SYNJ1: variants seen among roughly 807,000 people sequenced by gnomAD.
The protein encoded by SYNJ1 is polyphosphatidylinositol phosphatase SYNJ1.
SYNJ1 carries 78 observed loss-of-function variants against 168.2 expected under a neutral mutation model. The observed-to-expected ratio is 0.46, with a 90% CI of 0.39 to 0.56. SYNJ1 has a LOEUF of 0.56. SYNJ1 is among the 20% of genes least tolerant of loss of function. SYNJ1 has a pLI of 0.00. For synonymous variants in SYNJ1, 539 were observed against 548.6 expected, an observed-to-expected ratio of 0.98 and a Z score of 0.24; for missense variants, 1,303 against 1,597.6, an observed-to-expected ratio of 0.82 and a Z score of 3.14.
At chr21:32,716,994 C>T (rs146158944) in intron 2 of SYNJ1, among the ~76,000 whole-genome samples, 4 of 151,450 alleles carry the variant, frequency 2.6e-5, no homozygotes, top group African/African-American at 7.3e-5. Context: ...GAGTCTTGCT[C>T]TGTTGCCCAG....
chr21:32,705,627 T>A (rs2042579165), intron 2 of SYNJ1, among the ~76,000 whole-genome samples: 1 of 151,908 alleles, frequency 6.6e-6, no homozygotes, highest in South Asian at 2.1e-4. Flanking sequence ...AAAACAATTA[T>A]AAAGGGAAAA....
intron 8 of SYNJ1, 117 bp downstream of exon 8, chr21:32,686,861 C>A: frequency 1.4e-6 from 1 of 703,466 alleles, no homozygotes; most frequent in Non-Finnish European, 2.2e-6. Flanking sequence ...AAGTACCCAA[C>A]CTTTTTCTTG....
At chr21:32,718,942 T>G (rs779537764) in intron 2 of SYNJ1, among the ~76,000 whole-genome samples, 24 of 152,166 alleles carry the variant, frequency 1.6e-4, no homozygotes, top group Non-Finnish European at 2.2e-4. Context: ...CCCCTGAAAA[T>G]AATAGCCACA....
intron 2 of SYNJ1, among the ~76,000 whole-genome samples, chr21:32,716,538 C>T (rs925787784): frequency 3.3e-5 from 5 of 152,196 alleles, no homozygotes; most frequent in African/African-American, 1.2e-4. Flanking sequence ...CTTATCTTCA[C>T]TCTTCTGTAA....
intron 29 of SYNJ1, among the ~76,000 whole-genome samples, chr21:32,640,283 C>T (rs1353927284): frequency 1.3e-5 from 2 of 151,876 alleles, no homozygotes; most frequent in Non-Finnish European, 2.9e-5. Flanking sequence ...GGAAAAAACA[C>T]CCTGAGATTT....
chr21:32,665,427 T>C (rs1229456412), intron 17 of SYNJ1, among the ~76,000 whole-genome samples: 1 of 152,224 alleles, frequency 6.6e-6, no homozygotes, highest in Non-Finnish European at 1.5e-5. Context: ...CTGAGACAAA[T>C]GCACATCTGA....
At position 32,660,192 on chromosome 21, in the gene SYNJ1, G is replaced by A. The variant is rs2040633947; in HGVS notation, c.2305-2320C>T. ...CCTATCTCTCAAAACAACTAGATGGGGTTTCCAAAGGCTGGCCCCCATGTC... is the reference window on the plus strand; with the variant it reads ...CCTATCTCTCAAAACAACTAGATGGAGTTTCCAAAGGCTGGCCCCCATGTC... On this transcript the variant is annotated intron_variant, in intron 18 of 32. Coordinates refer to ENST00000674351, the MANE Select transcript of SYNJ1 (RefSeq NM_203446.3). 5.9e-5 allele frequency among the ~76,000 whole-genome samples: 9 copies of A among 152,300 alleles called. No homozygotes were observed. In the South Asian group the frequency reaches 1.9e-3, roughly 32 times the overall value.
At chr21:32,660,008 G>A (rs931527811) in intron 18 of SYNJ1, among the ~76,000 whole-genome samples, 12 of 152,178 alleles carry the variant, frequency 7.9e-5, no homozygotes, top group Admixed American at 3.3e-4. Flanking sequence ...CCACAGCAGC[G>A]CATGGCAGGC....
At chr21:32,693,414 C>A (rs1392968740) in intron 6 of SYNJ1, among the ~76,000 whole-genome samples, 4 of 152,182 alleles carry the variant, frequency 2.6e-5, no homozygotes, top group African/African-American at 4.8e-5. Context: ...CTTAGACTGT[C>A]TTAAATAAAA....
intron 14 of SYNJ1, among the ~76,000 whole-genome samples, chr21:32,671,133 A>AC (rs2041170884): frequency 6.6e-6 from 1 of 152,000 alleles, no homozygotes; most frequent in Non-Finnish European, 1.5e-5. Flanking sequence ...ACATAGTGAG[A>AC]CCCCCATCAC....
chr21:32,728,252 C>A, upstream of SYNJ1: 1 of 567,818 alleles, frequency 1.8e-6, no homozygotes, highest in Admixed American at 3.6e-5. Context: ...AAGATCTGGC[C>A]TCCTTGGTCC....
Position 32,685,905 on chromosome 21 carries a change from C to T in SYNJ1, c.961G>A (p.Ala321Thr). ...LSKAFQSHLK[A>T]SEHAADIQMV... ...TGGATATCAGCAGCATGTTCAGAAG[C>T]TTTCAAATGACTCTGAAAGTAAAAA... The change falls in exon 9 of 33, where the codon GCT becomes ACT. Residue 321 changes from alanine (A) to threonine (T), a missense_variant. By Grantham distance (58) the Ala-to-Thr change is moderately conservative. This residue lies in a region of SYNJ1 where 920 missense variants were observed against 1,208.8 expected (regional missense o/e 0.76). Transcript: ENST00000674351. 1 of 1,603,378 alleles carries T rather than the reference C, an allele frequency of 6.2e-7. No individual in the cohort carries two copies. Among genetic ancestry groups the T allele is most frequent in the African/African-American group, 1.3e-5 (1 of 74,396 alleles).
At chr21:32,650,131 T>A in intron 23 of SYNJ1, 53 bp downstream of exon 23, 1 of 1,532,068 alleles carries the variant, frequency 6.5e-7, no homozygotes, top group Middle Eastern at 1.8e-4. Flanking sequence ...CTTTACAGAT[T>A]GGAAGAAAAC....
chr21:32,696,287 T>C (rs1346952166), intron 4 of SYNJ1, among the ~76,000 whole-genome samples: 4 of 152,372 alleles, frequency 2.6e-5, no homozygotes, highest in Non-Finnish European at 5.9e-5. Context: ...CAAATACTTT[T>C]AGCATTCTAG....
chr21:32,633,341 C>T (rs2039425901), intron 32 of SYNJ1, among the ~76,000 whole-genome samples: 1 of 152,112 alleles, frequency 6.6e-6, no homozygotes, highest in African/African-American at 2.4e-5. Flanking sequence ...TGGAGTGGAG[C>T]ACAGCCAAGG....
At position 32,653,373 on chromosome 21, in the gene SYNJ1, G is replaced by A. The variant is rs936483913; in HGVS notation, c.2796-7C>T. On this transcript the variant is annotated splice_region_variant and splice_polypyrimidine_tract_variant and intron_variant, in intron 21 of 32. Coordinates refer to ENST00000674351, the MANE Select transcript of SYNJ1 (RefSeq NM_203446.3). Reference sequence around the variant, plus strand: ...CATTTTATCTTCTACAAATCTTTAAGAAAAACAATAAAAAACCATAATTAA... The same window carrying A: ...CATTTTATCTTCTACAAATCTTTAAAAAAAACAATAAAAAACCATAATTAA... 1 of 1,603,214 alleles carries A rather than the reference G, an allele frequency of 6.2e-7. No individual in the cohort carries two copies. The highest frequency in any genetic ancestry group is 8.5e-7 in the Non-Finnish European group (1 of 1,170,908).
chr21:32,637,394 T>C (rs1405163720), intron 31 of SYNJ1, among the ~76,000 whole-genome samples: 1 of 144,280 alleles, frequency 6.9e-6, no homozygotes, highest in Non-Finnish European at 1.5e-5. Flanking sequence ...CCATCCTCAA[T>C]TTTTCTTTTT....
Position 32,685,752 on chromosome 21 carries a change from G to T in SYNJ1, c.1114C>A (p.Gln372Lys). ...AGAGAAACAGAACAGTCAAACCTTT[G>T]AACTTCACTTCCATTGAAATAAAAA... ...GFFYFNGSEV[Q>K]RCQSGTVRTN... is the part of the protein sequence containing the mutation. Residue 372 changes from glutamine (Q) to lysine (K), a missense_variant, in exon 9 of 33, where the codon CAA (glutamine) becomes AAA (lysine). This residue lies in a region of SYNJ1 where 920 missense variants were observed against 1,208.8 expected (regional missense o/e 0.76). Transcript: ENST00000674351. 1 of 1,600,244 alleles carries T rather than the reference G, an allele frequency of 6.2e-7. No individual in the cohort carries two copies. Among genetic ancestry groups the T allele is most frequent in the South Asian group, 1.1e-5 (1 of 87,796 alleles).
chr21:32,650,116 T>C, intron 23 of SYNJ1, 68 bp downstream of exon 23: 1 of 1,503,168 alleles, frequency 6.7e-7, no homozygotes, highest in Non-Finnish European at 8.9e-7. Context: ...ACTTGGAAAA[T>C]AAGACTTTAC....
Sources: allele counts gnomAD v4.1 joint callset (sites outside exome capture counted in the v4.1 genomes callset), GRCh38; gene constraint gnomAD v4.1.1; regional missense constraint gnomAD v4.1.1; transcripts MANE v1.5; gene names NCBI Gene and HGNC (gene_info 2026-07-23, HGNC 2026-07-21).